BICD1: variants seen among roughly 807,000 people sequenced by gnomAD.
BICD1 encodes protein bicaudal D homolog 1.
Under a neutral mutation model 92.5 loss-of-function variants are expected in BICD1, and 35 were observed. That is an observed-to-expected ratio of 0.38 (90% CI 0.29 to 0.50). The LOEUF (loss-of-function observed/expected upper bound fraction) is 0.50. Ranked by LOEUF, BICD1 falls within the 20% of genes least tolerant of loss-of-function variation. The pLI is 0.93. For synonymous variants in BICD1, 429 were observed against 465.1 expected (o/e 0.92, Z 1.00); for missense variants, 950 against 1,189.8 (o/e 0.80, Z 2.97).
intron 1 of BICD1, among the ~76,000 whole-genome samples, chr12:32,146,752 C>T (rs879412897): frequency 1.3e-5 from 2 of 152,036 alleles, no homozygotes; most frequent in Admixed American, 1.3e-4. Context: ...TGGAAACCAG[C>T]GTGGAAGCTT....
chr12:32,217,332 G>A (rs191912200), intron 2 of BICD1, among the ~76,000 whole-genome samples: 1 of 152,124 alleles, frequency 6.6e-6, no homozygotes, highest in East Asian at 1.9e-4. Flanking sequence ...AAATATGTAG[G>A]ATGAAAATAT....
Position 32,338,835 on chromosome 12 carries a change from G to T in BICD1, c.2620G>T (p.Ala874Ser), listed in dbSNP as rs201853036. 2 of 1,604,986 alleles carry T rather than the reference G, an allele frequency of 1.2e-6. No individual in the cohort carries two copies. The highest frequency in any genetic ancestry group is 1.7e-6 in the Non-Finnish European group (2 of 1,176,158). Residue 874 changes from alanine (A) to serine (S), a missense_variant, in exon 8 of 10, where the codon GCT becomes TCT. Around this residue, in one of 5 missense-constraint regions of BICD1, gnomAD observed 179 missense variants for 186.7 expected, o/e 0.96. Transcript: ENST00000652176. ...TCAGAGCCGTCCCAGGACTTCAGGG[G>T]CTTCCTACCTACAGAATTTATTAAG... ...CDQSRPRTSG[A>S]SYLQNLLRVP...
At chr12:32,194,904 TAA>T (rs138601549) in intron 1 of BICD1, among the ~76,000 whole-genome samples, 3,947 of 150,768 alleles carry the variant, frequency 0.026, 176 homozygotes, top group African/African-American at 0.091. Context: ...TAAAACAAAA[TAA>T]AATGAAATAA....
chr12:32,181,917 G>A (rs1254051144), intron 1 of BICD1, among the ~76,000 whole-genome samples: 2 of 152,036 alleles, frequency 1.3e-5, no homozygotes, highest in Admixed American at 6.6e-5. Flanking sequence ...GCAGTCAGCT[G>A]ATTTGTCTGG....
chr12:32,272,145 G>A (rs1947158024), intron 2 of BICD1, among the ~76,000 whole-genome samples: 1 of 152,024 alleles, frequency 6.6e-6, no homozygotes. Flanking sequence ...TTTTATGACT[G>A]AGAAATTTCT....
At chr12:32,183,857 C>G (rs961650483) in intron 1 of BICD1, among the ~76,000 whole-genome samples, 4 of 152,132 alleles carry the variant, frequency 2.6e-5, no homozygotes, top group African/African-American at 9.7e-5. Context: ...GATTGAGGCC[C>G]TTTGTTTTGG....
At chr12:32,244,196 T>C (rs889429327) in intron 2 of BICD1, among the ~76,000 whole-genome samples, 5 of 152,198 alleles carry the variant, frequency 3.3e-5, no homozygotes, top group Admixed American at 2.0e-4. Flanking sequence ...TTCTTTTGTA[T>C]ACAAGATAGC....
chr12:32,239,659 C>T (rs1290114225), intron 2 of BICD1, among the ~76,000 whole-genome samples: 1 of 151,460 alleles, frequency 6.6e-6, no homozygotes, highest in Non-Finnish European at 1.5e-5. Flanking sequence ...TGGAGTGCAA[C>T]AAGAGCTGGC....
chr12:32,302,121 C>G (rs140630885), intron 3 of BICD1, among the ~76,000 whole-genome samples: 1 of 152,072 alleles, frequency 6.6e-6, no homozygotes, highest in Non-Finnish European at 1.5e-5. Flanking sequence ...CTCCTGACCT[C>G]GTGATCCGCC....
chr12:32,308,808 T>G (rs1948297716), intron 4 of BICD1, among the ~76,000 whole-genome samples: 1 of 152,188 alleles, frequency 6.6e-6, no homozygotes, highest in South Asian at 2.1e-4. Flanking sequence ...AAATCTTTCT[T>G]CAACCCTTAA....
intron 3 of BICD1, among the ~76,000 whole-genome samples, chr12:32,296,183 A>G (rs1454303519): frequency 6.6e-6 from 1 of 151,834 alleles, no homozygotes; most frequent in Non-Finnish European, 1.5e-5. Flanking sequence ...CAGTGGAGAA[A>G]TGTAGACTTA....
intron 8 of BICD1, among the ~76,000 whole-genome samples, chr12:32,366,899 A>G (rs1939545418): frequency 6.6e-6 from 1 of 152,148 alleles, no homozygotes; most frequent in Non-Finnish European, 1.5e-5. Context: ...TTAGAACACC[A>G]GGCACTACTT....
In BICD1 at chr12:32,337,662, C is replaced by G. The variant is rs202245331; in HGVS notation, c.2416C>G (p.Arg806Gly). 3 of 1,614,000 alleles carry G rather than the reference C, an allele frequency of 1.9e-6. No homozygotes were observed. The highest frequency in any genetic ancestry group is 2.7e-5 in the African/African-American group (2 of 74,896). Residue 806 changes from arginine (R) to glycine (G), a missense_variant, in exon 7 of 10, where the codon CGC becomes GGC. Around this residue, in one of 5 missense-constraint regions of BICD1, gnomAD observed 309 missense variants for 499.4 expected, o/e 0.62. Coordinates refer to ENST00000652176, the MANE Select transcript of BICD1 (RefSeq NM_001714.4). This position sits in a 1 kb window ranked among gnomAD's most constrained non-coding sequence, Gnocchi z 4.7. Reference sequence around the variant, plus strand: ...AGAGTTTGACCATGAGCAGTCCCGACGCAGCAAAGGCAAACTTGGAAAGAG... The same window carrying G: ...AGAGTTTGACCATGAGCAGTCCCGAGGCAGCAAAGGCAAACTTGGAAAGAG... ...DLEFDHEQSRRSKGKLGKSKI... is the reference protein window; with the variant it reads ...DLEFDHEQSRGSKGKLGKSKI...
intron 1 of BICD1, among the ~76,000 whole-genome samples, chr12:32,140,590 C>T (rs946980232): frequency 6.6e-6 from 1 of 152,164 alleles, no homozygotes; most frequent in African/African-American, 2.4e-5. Flanking sequence ...AAGCAATTCG[C>T]TGCCTCAGCC....
At chr12:32,217,409 G>C (rs149158744) in intron 2 of BICD1, among the ~76,000 whole-genome samples, 1 of 152,076 alleles carries the variant, frequency 6.6e-6, no homozygotes, top group Non-Finnish European at 1.5e-5. Flanking sequence ...TACAAATAGG[G>C]CTTCACTATT....
At chr12:32,304,022 C>T (rs1216661527) in intron 3 of BICD1, among the ~76,000 whole-genome samples, 3 of 151,780 alleles carry the variant, frequency 2.0e-5, no homozygotes, top group South Asian at 2.1e-4. Flanking sequence ...TGCAGTGAGC[C>T]GAGATCACGC....
chr12:32,265,449 C>T (rs796902320), intron 2 of BICD1, among the ~76,000 whole-genome samples: 3 of 151,822 alleles, frequency 2.0e-5, no homozygotes, highest in African/African-American at 7.2e-5. Context: ...TGGCTCACAC[C>T]TGTAATCCCA....
At chr12:32,139,132 T>C (rs1942822801) in intron 1 of BICD1, among the ~76,000 whole-genome samples, 1 of 152,226 alleles carries the variant, frequency 6.6e-6, no homozygotes, top group Non-Finnish European at 1.5e-5. Context: ...TTAGCAGCTG[T>C]GTGTATGACT....
chr12:32,369,629 C>T (rs865868055), intron 9 of BICD1, among the ~76,000 whole-genome samples: 4 of 152,188 alleles, frequency 2.6e-5, no homozygotes, highest in Admixed American at 6.5e-5. Flanking sequence ...TGGTGGCTTA[C>T]GCCTGTAATC....
Sources: allele counts gnomAD v4.1 joint callset (sites outside exome capture counted in the v4.1 genomes callset), GRCh38; gene constraint gnomAD v4.1.1; regional missense constraint gnomAD v4.1.1; non-coding constraint Gnocchi (gnomAD v3.1); transcripts MANE v1.5; gene names NCBI Gene and HGNC (gene_info 2026-07-23, HGNC 2026-07-21).